The following CFAP299 variants were observed in gnomAD, a reference collection of about 807,000 sequenced individuals.
CFAP299 encodes the protein cilia and flagella associated protein 299.
A neutral mutation model predicts 27.0 loss-of-function variants in CFAP299; 21 were observed. The ratio of observed to expected loss-of-function variants is 0.78; its 90% CI spans 0.55 to 1.12. CFAP299 has a LOEUF of 1.12. Ranked by LOEUF, CFAP299 falls within the 50% of genes most tolerant of loss-of-function variation. The probability of loss-of-function intolerance (pLI) is 0.00; values close to 1 mark genes in which losing one functional copy is unlikely to be tolerated. For missense variants in CFAP299, 310 were observed against 276.6 expected (o/e 1.12, Z -0.86); for synonymous variants, 104 against 98.1 (o/e 1.06, Z -0.36).
chr4:80,798,479 A>C (rs1269161662), intron 3 of CFAP299, among the ~76,000 whole-genome samples: 1 of 151,966 alleles, frequency 6.6e-6, no homozygotes, highest in Admixed American at 6.6e-5. Flanking sequence ...ATGTTGGAGG[A>C]TCATTCTTTT....
At chr4:80,746,598 C>T (rs186817401) in intron 3 of CFAP299, among the ~76,000 whole-genome samples, 12 of 152,000 alleles carry the variant, frequency 7.9e-5, no homozygotes, top group Admixed American at 3.3e-4. Flanking sequence ...ATCAGGTTGA[C>T]GTAACTTTTT....
chr4:80,621,288 A>C (rs1045139917), intron 3 of CFAP299, among the ~76,000 whole-genome samples: 1 of 152,152 alleles, frequency 6.6e-6, no homozygotes, highest in Non-Finnish European at 1.5e-5. Context: ...TAGTTCTATT[A>C]GGATAGTTTA....
At chr4:80,750,272 T>C (rs1210202340) in intron 3 of CFAP299, among the ~76,000 whole-genome samples, 2 of 152,182 alleles carry the variant, frequency 1.3e-5, no homozygotes, top group Non-Finnish European at 2.9e-5. Context: ...TATCTAGATA[T>C]AAATTGCTAA....
Position 80,446,663 on chromosome 4 carries a change from T to C in CFAP299, c.242+83779T>C, listed in dbSNP as rs530218615. ...TCCATTACTTTCTGCATTAGGGACCTCAAACATCACATTGTAAGACTGAAC... is the reference window on the plus strand; with the variant it reads ...TCCATTACTTTCTGCATTAGGGACCCCAAACATCACATTGTAAGACTGAAC... On this transcript the variant is annotated intron_variant, in intron 2 of 5. Transcript: ENST00000358105. Among the ~76,000 whole-genome samples the C allele has an allele frequency of 2.6e-5, 4 of 152,312 alleles. No homozygotes were observed. In the East Asian group the frequency reaches 7.7e-4, roughly 29 times the overall value.
intron 3 of CFAP299, among the ~76,000 whole-genome samples, chr4:80,753,215 A>C (rs1464485831): frequency 6.6e-6 from 1 of 152,100 alleles, no homozygotes; most frequent in Non-Finnish European, 1.5e-5. Flanking sequence ...TTTGTCTACA[A>C]AAGTATTTAT....
Position 80,833,972 on chromosome 4 carries a change from G to A in CFAP299, c.334-36021G>A, listed in dbSNP as rs536403956. Among the ~76,000 whole-genome samples, 76 of 152,304 alleles carry A rather than the reference G, an allele frequency of 5.0e-4. 1 individual carries two copies. The highest frequency in any genetic ancestry group is 1.6e-3 in the African/African-American group (68 of 41,572). The stretch of plus-strand genomic sequence containing the variant: ...CTGGCATATGACAGTAGATGGAAGC[G>A]TTCACTGGTGAGGTTTACAAGGAGA... On this transcript the variant is annotated intron_variant, in intron 3 of 5. Coordinates refer to ENST00000358105, the MANE Select transcript of CFAP299 (RefSeq NM_152770.3).
chr4:80,929,800 G>A (rs1224959111), intron 4 of CFAP299, among the ~76,000 whole-genome samples: 1 of 152,090 alleles, frequency 6.6e-6, no homozygotes, highest in African/African-American at 2.4e-5. Context: ...GCAGAATAAA[G>A]TTCATATTGT....
At chr4:80,434,364 T>A (rs929061319) in intron 2 of CFAP299, among the ~76,000 whole-genome samples, 7 of 152,224 alleles carry the variant, frequency 4.6e-5, no homozygotes, top group African/African-American at 1.7e-4. Flanking sequence ...AGGACTACAT[T>A]TCCCAAGCTC....
At chr4:80,807,794 A>G (rs951249179) in intron 3 of CFAP299, among the ~76,000 whole-genome samples, 3 of 152,120 alleles carry the variant, frequency 2.0e-5, no homozygotes, top group Non-Finnish European at 4.4e-5. Flanking sequence ...CAAAATTTAC[A>G]TGCTAAAGTA....
At chr4:80,584,664 A>G (rs7699161) in intron 3 of CFAP299, among the ~76,000 whole-genome samples, 6,910 of 152,066 alleles carry the variant, frequency 0.045, 551 homozygotes, top group African/African-American at 0.16. Flanking sequence ...GTTGACCTGT[A>G]TCTCTTCTAC....
At chr4:80,504,462 C>CATATAGATATAT (rs1731898867) in intron 2 of CFAP299, among the ~76,000 whole-genome samples, 2 of 37,760 alleles carry the variant, frequency 5.3e-5, no homozygotes, top group East Asian at 2.0e-3. Context: ...TAAAATCTCA[C>CATATAGATATAT]ATATATATAT....
At chr4:80,326,562 G>A in the CFAP299 span, among the ~76,000 whole-genome samples, 2 of 152,178 alleles carry the variant, frequency 1.3e-5, no homozygotes, top group African/African-American at 4.8e-5. Context: ...CACTCATCAA[G>A]ATTTTTATGC....
chr4:80,895,863 T>G (rs1734586958), intron 4 of CFAP299, among the ~76,000 whole-genome samples: 1 of 152,020 alleles, frequency 6.6e-6, no homozygotes, highest in Non-Finnish European at 1.5e-5. Context: ...GAAATTAGAA[T>G]TCATTCAAAC....
At chr4:80,340,537 A>G (rs1722393195) in intron 1 of CFAP299, among the ~76,000 whole-genome samples, 1 of 152,160 alleles carries the variant, frequency 6.6e-6, no homozygotes, top group African/African-American at 2.4e-5. Flanking sequence ...CTTCCCTTGC[A>G]CCTCACAAGC....
intron 3 of CFAP299, among the ~76,000 whole-genome samples, chr4:80,705,304 A>G (rs145687233): frequency 4.6e-5 from 7 of 151,918 alleles, no homozygotes; most frequent in African/African-American, 1.4e-4. Context: ...AGGTTAATGG[A>G]ATCTCTGCCA....
At chr4:80,472,264 C>T (rs1034188762) in intron 2 of CFAP299, among the ~76,000 whole-genome samples, 13 of 152,058 alleles carry the variant, frequency 8.5e-5, no homozygotes, top group African/African-American at 2.9e-4. Context: ...AGATAGTAAG[C>T]GGGGAGGAGA....
intron 3 of CFAP299, among the ~76,000 whole-genome samples, chr4:80,833,974 T>A (rs1730432612): frequency 6.6e-6 from 1 of 152,198 alleles, no homozygotes; most frequent in South Asian, 2.1e-4. Context: ...ATGGAAGCGT[T>A]CACTGGTGAG....
chr4:80,478,400 A>T (rs866100063), intron 2 of CFAP299, among the ~76,000 whole-genome samples: 3 of 152,168 alleles, frequency 2.0e-5, no homozygotes, highest in Non-Finnish European at 2.9e-5. Context: ...AACAAAAGGC[A>T]TATAAATTGA....
intron 4 of CFAP299, among the ~76,000 whole-genome samples, chr4:80,938,264 C>T (rs565551327): frequency 4.6e-5 from 7 of 152,278 alleles, no homozygotes; most frequent in African/African-American, 1.7e-4. Context: ...CTGGGCAGCA[C>T]AGTTAACATG....
Sources: gnomAD v4.1 joint callset for allele counts (sites outside exome capture counted in the v4.1 genomes callset) on GRCh38, gnomAD v4.1.1 for gene constraint, MANE v1.5 for transcripts, NCBI Gene and HGNC (gene_info 2026-07-23, HGNC 2026-07-21) for gene names.